Variants in CNTN4 observed in about 807,000 individuals in gnomAD.
The protein encoded by CNTN4 is contactin-4.
Under a neutral mutation model 122.5 loss-of-function variants are expected in CNTN4, and 77 were observed. That is an observed-to-expected ratio of 0.63 (90% CI 0.52 to 0.76). The LOEUF is 0.76. Ranked by LOEUF, CNTN4 falls within the 30% of genes least tolerant of loss-of-function variation. The pLI, the probability that CNTN4 is intolerant of heterozygous loss-of-function variation, is 0.00. For synonymous variants in CNTN4, 512 were observed against 447.0 expected (o/e 1.15, Z -1.83); for missense variants, 1,256 against 1,259.1 (o/e 1.00, Z 0.04).
chr3:2,341,735 A>G (rs2044218134), intron 3 of CNTN4, among the ~76,000 whole-genome samples: 1 of 152,244 alleles, frequency 6.6e-6, no homozygotes, highest in African/African-American at 2.4e-5. Context: ...TAACATAGTA[A>G]TTTCAAAAAT....
chr3:2,374,842 A>G (rs904189133), intron 3 of CNTN4, among the ~76,000 whole-genome samples: 7 of 152,196 alleles, frequency 4.6e-5, no homozygotes, highest in East Asian at 1.9e-4. Context: ...ACCCTTAGCA[A>G]TGCTAATCAC....
intron 4 of CNTN4, among the ~76,000 whole-genome samples, chr3:2,575,460 G>A (rs1044373020): frequency 1.1e-4 from 16 of 152,202 alleles, no homozygotes; most frequent in East Asian, 7.8e-4. Flanking sequence ...GCAGTGAGCC[G>A]AGATCGTACT....
intron 3 of CNTN4, among the ~76,000 whole-genome samples, chr3:2,452,583 C>T (rs147515312): frequency 3.3e-4 from 50 of 152,228 alleles, no homozygotes; most frequent in Admixed American, 9.8e-4. Flanking sequence ...GGCATGCGCA[C>T]GGTTCCTGAA....
chr3:2,637,606 T>C (rs570112811), intron 4 of CNTN4, among the ~76,000 whole-genome samples: 3 of 152,296 alleles, frequency 2.0e-5, no homozygotes, highest in African/African-American at 7.2e-5. Flanking sequence ...CACTGAGCTC[T>C]GAAGGTACCT....
chr3:2,865,636 A>G (rs780322361), intron 7 of CNTN4, among the ~76,000 whole-genome samples: 6 of 152,204 alleles, frequency 3.9e-5, no homozygotes, highest in Non-Finnish European at 8.8e-5. Flanking sequence ...GCCAGTAGCT[A>G]GTATATCACT....
intron 2 of CNTN4, among the ~76,000 whole-genome samples, chr3:2,125,328 CTCTGTGTGTGTG>C (rs1174564422): frequency 4.3e-5 from 3 of 69,866 alleles, no homozygotes; most frequent in African/African-American, 1.4e-4. Flanking sequence ...ACATTCTATT[CTCTGTGTGTGTG>C]TGTGTGTGTG....
chr3:2,109,523 T>G (rs886998251), intron 2 of CNTN4, among the ~76,000 whole-genome samples: 1 of 152,228 alleles, frequency 6.6e-6, no homozygotes, highest in African/African-American at 2.4e-5. Flanking sequence ...AGTGTCCATG[T>G]TGCCTATGCC....
intron 13 of CNTN4, among the ~76,000 whole-genome samples, chr3:2,981,482 T>A (rs1228064943): frequency 3.4e-4 from 51 of 151,826 alleles, no homozygotes; most frequent in Non-Finnish European, 2.9e-5. Flanking sequence ...AGGACTCCCG[T>A]ACCCTCACTA....
At chr3:2,180,048 A>G (rs1047662711) in intron 2 of CNTN4, among the ~76,000 whole-genome samples, 1 of 151,496 alleles carries the variant, frequency 6.6e-6, no homozygotes, top group East Asian at 1.9e-4. Flanking sequence ...TAGGTAGCTT[A>G]TGGCTGCTGA....
intron 4 of CNTN4, among the ~76,000 whole-genome samples, chr3:2,623,127 T>C (rs2082053098): frequency 6.6e-6 from 1 of 152,226 alleles, no homozygotes; most frequent in Non-Finnish European, 1.5e-5. Context: ...CTGCTCATGG[T>C]AATATGACAA....
intron 13 of CNTN4, among the ~76,000 whole-genome samples, chr3:2,981,405 C>G (rs1426394121): frequency 2.0e-5 from 3 of 151,998 alleles, no homozygotes; most frequent in Non-Finnish European, 4.4e-5. Context: ...GATCGCAGCA[C>G]TGCACTCCAG....
intron 2 of CNTN4, among the ~76,000 whole-genome samples, chr3:2,104,374 G>A (rs958847434): frequency 6.6e-6 from 1 of 152,114 alleles, no homozygotes; most frequent in Non-Finnish European, 1.5e-5. Context: ...AACATGAGCA[G>A]ATAAGCTCTT....
chr3:2,783,505 G>C (rs2091690331), intron 6 of CNTN4, among the ~76,000 whole-genome samples: 1 of 152,172 alleles, frequency 6.6e-6, no homozygotes, highest in South Asian at 2.1e-4. Context: ...AGGAATAAGG[G>C]GGTGAAGTAG....
intron 3 of CNTN4, among the ~76,000 whole-genome samples, chr3:2,495,460 GGA>G (rs1474083529): frequency 6.6e-6 from 1 of 152,154 alleles, no homozygotes; most frequent in African/African-American, 2.4e-5. Context: ...TTATTTTGGT[GGA>G]CACACTACAC....
At chr3:2,915,026 C>T (rs185193743) in intron 12 of CNTN4, among the ~76,000 whole-genome samples, 3 of 152,130 alleles carry the variant, frequency 2.0e-5, no homozygotes, top group Non-Finnish European at 2.9e-5. Context: ...ACCACGTGAT[C>T]GTTCCAATTG....
At chr3:3,027,204 C>A (rs1698800673) in intron 15 of CNTN4, among the ~76,000 whole-genome samples, 1 of 152,154 alleles carries the variant, frequency 6.6e-6, no homozygotes, top group Admixed American at 6.6e-5. Context: ...CTTTATCAAA[C>A]AGGGTTTTTG....
At chr3:2,197,985 C>T (rs2149373115) in intron 2 of CNTN4, among the ~76,000 whole-genome samples, 1 of 150,214 alleles carries the variant, frequency 6.7e-6, no homozygotes, top group East Asian at 1.9e-4. Flanking sequence ...ACTGCACTCC[C>T]ACCTGGGCAA....
At chr3:2,575,812 T>C (rs76844026) in intron 4 of CNTN4, among the ~76,000 whole-genome samples, 84 of 2,904 alleles carry the variant, frequency 0.029, no homozygotes, top group Non-Finnish European at 0.036. Context: ...TCTTCTTCTT[T>C]TTTTTTTTTT....
Position 2,300,435 on chromosome 3 carries a change from T to C in CNTN4, c.-144-38743T>C, listed in dbSNP as rs569614709. Among the ~76,000 whole-genome samples, 210 of 152,174 alleles carry C rather than the reference T, an allele frequency of 1.4e-3. 1 individual carries two copies. The highest frequency in any genetic ancestry group is 4.7e-3 in the African/African-American group (196 of 41,544). On this transcript the variant is annotated intron_variant, in intron 2 of 24. Coordinates refer to ENST00000418658, the MANE Select transcript of CNTN4 (RefSeq NM_175607.3). ...TACTTTTTCCTTAAAACCAAAGACA[T>C]TGAAAATTACAGCCACAGGTGGATG...
Sources: gnomAD v4.1 joint callset for allele counts (sites outside exome capture counted in the v4.1 genomes callset) on GRCh38, gnomAD v4.1.1 for gene constraint, MANE v1.5 for transcripts, NCBI Gene and HGNC (gene_info 2026-07-23, HGNC 2026-07-21) for gene names.